MRFAP1: variants seen among roughly 807,000 people sequenced by gnomAD.
MRFAP1 encodes the protein Morf4 family associated protein 1, also known as MORF4 family-associated protein 1.
In MRFAP1, 1 loss-of-function variant was observed where a neutral mutation model predicts 9.3. The ratio of observed to expected loss-of-function variants is 0.11; its 90% CI spans 0.04 to 0.51. MRFAP1 has a LOEUF of 0.51. MRFAP1 is among the 20% of genes least tolerant of loss of function. The pLI is 0.94. For missense variants in MRFAP1, 180 were observed against 178.6 expected (o/e 1.01, Z -0.04); for synonymous variants, 101 against 80.3 (o/e 1.26, Z -1.38).
rs1436499088 is a variant in MRFAP1 at position 6,640,841 on chromosome 4, G to T, written c.-22G>T. On this transcript the variant is annotated 5_prime_UTR_variant, in exon 1 of 2. Coordinates refer to ENST00000382581, the MANE Select transcript of MRFAP1 (RefSeq NM_033296.3). ...TCTCTCCAACAGACATCGCTATTGC[G>T]GTTCCGAGGCAGTGGGAAGAGATGC... The T allele has an allele frequency of 6.3e-7, 1 of 1,589,176 alleles. No individual in the cohort carries two copies. The highest frequency in any genetic ancestry group is 8.6e-7 in the Non-Finnish European group (1 of 1,164,608).
intron 1 of MRFAP1, 194 bp from the exon 2 acceptor site, chr4:6,641,536 C>CT: frequency 2.7e-6 from 1 of 368,290 alleles, no homozygotes; most frequent in Non-Finnish European, 4.9e-6. Flanking sequence ...GGTCCCGGGC[C>CT]GTCCAGCAAG....
At position 6,642,454 on chromosome 4, in the gene MRFAP1, T is replaced by C. The variant is rs567641220; in HGVS notation, c.*737T>C. 1 of 152,778 alleles carries C rather than the reference T, an allele frequency of 6.5e-6. No individual in the cohort carries two copies. Among genetic ancestry groups the C allele is most frequent in the South Asian group, 2.1e-4 (1 of 4,834 alleles). The allele number at this position is 152,778 out of a possible 1,614,324, so 9.5% of individuals were successfully genotyped here. A position where few individuals can be genotyped will look rare whatever the true frequency, so the allele number is the denominator to read the frequency against. On this transcript the variant is annotated 3_prime_UTR_variant, in exon 2 of 2. Transcript: ENST00000382581. Reference sequence around the variant, plus strand: ...AAAATAGAAGATAAGATCTTGATATTCTGTACAAGTTGATGTAATACCCTG... The same window carrying C: ...AAAATAGAAGATAAGATCTTGATATCCTGTACAAGTTGATGTAATACCCTG...
Position 6,641,160 on chromosome 4 carries a change from G to A in MRFAP1, c.298G>A (p.Ala100Thr). ...EGRAAKRCEK[A>T]EEKAKEIAKM... is the part of the protein sequence containing the mutation. Reference sequence around the variant, plus strand: ...CCGGGCGGCCAAGAGGTGCGAGAAGGCCGAGGAGAAGGCCAAGGAGATTGC... The same window carrying A: ...CCGGGCGGCCAAGAGGTGCGAGAAGACCGAGGAGAAGGCCAAGGAGATTGC... The change falls in exon 1 of 2, where the codon GCC becomes ACC. Residue 100 changes from alanine (A) to threonine (T), a missense_variant. By Grantham distance (58) the Ala-to-Thr change is moderately conservative. Coordinates refer to ENST00000382581, the MANE Select transcript of MRFAP1 (RefSeq NM_033296.3). 1.9e-6 allele frequency: 3 copies of A among 1,614,096 alleles called. No homozygotes were observed. Among genetic ancestry groups the A allele is most frequent in the Non-Finnish European group, 1.7e-6 (2 of 1,179,994 alleles).
chr4:6,642,077 T>G lies in MRFAP1; in HGVS notation c.*360T>G, dbSNP rs1712859483. ...TGTGACCTGATAGCTCCCTGGAACTTTGGGTCTGTGTGTGACACATGAGAC... is the reference window on the plus strand; with the variant it reads ...TGTGACCTGATAGCTCCCTGGAACTGTGGGTCTGTGTGTGACACATGAGAC... On this transcript the variant is annotated 3_prime_UTR_variant, in exon 2 of 2. Transcript: ENST00000382581. 1 of 152,672 alleles carries G rather than the reference T, an allele frequency of 6.5e-6. No individual in the cohort carries two copies. Among genetic ancestry groups the G allele is most frequent in the South Asian group, 2.1e-4 (1 of 4,836 alleles). The allele number at this position is 152,672 out of a possible 1,614,324, so 9.5% of individuals were successfully genotyped here.
rs1382320589 is a variant in MRFAP1, at chr4:6,642,238, C to G, written c.*521C>G. 1 of 152,580 alleles carries G rather than the reference C, an allele frequency of 6.6e-6. No individual in the cohort carries two copies. Among genetic ancestry groups the G allele is most frequent in the Non-Finnish European group, 1.5e-5 (1 of 68,056 alleles). 9.5% of individuals were successfully genotyped at this position (152,580 alleles called of 1,614,324 possible). The stretch of plus-strand genomic sequence containing the variant: ...TGGATGGGCCGACCTGGCTGGGACT[C>G]GTGAATCTGGAGAAGAGCTGGAGAA... On this transcript the variant is annotated 3_prime_UTR_variant, in exon 2 of 2. Transcript: ENST00000382581.
In MRFAP1 at chr4:6,641,512, A is replaced by G; in HGVS notation, c.*13-218A>G. The G allele has an allele frequency of 1.1e-5, 5 of 447,726 alleles. No homozygotes were observed. The South Asian group carries it at 2.0e-4, about 18-fold the overall frequency. The allele number at this position is 447,726 out of a possible 1,614,324, so 27.7% of individuals were successfully genotyped here. ...CATAAATCTCAGAGTCGCCAAGGAAACAGAAACGGACAAGGTCCCGGGCCG... is the reference window on the plus strand; with the variant it reads ...CATAAATCTCAGAGTCGCCAAGGAAGCAGAAACGGACAAGGTCCCGGGCCG... On this transcript the variant is annotated intron_variant, in intron 1 of 1. Coordinates refer to ENST00000382581, the MANE Select transcript of MRFAP1 (RefSeq NM_033296.3).
In MRFAP1 at chr4:6,640,894, A is replaced by C. The variant is rs1374785752; in HGVS notation, c.32A>C (p.Glu11Ala). 6.2e-7 allele frequency: 1 copy of C among 1,611,886 alleles called. No homozygotes were observed. Among genetic ancestry groups the C allele is most frequent in the Non-Finnish European group, 8.5e-7 (1 of 1,178,246 alleles). Reference protein sequence around the residue: MRPLDIVELAEPEEVEVLEPE... With the variant: MRPLDIVELAAPEEVEVLEPE... ...CCCCTGGACATCGTCGAGCTGGCGGAACCGGAGGAAGTGGAGGTGCTGGAG... is the reference window on the plus strand; with the variant it reads ...CCCCTGGACATCGTCGAGCTGGCGGCACCGGAGGAAGTGGAGGTGCTGGAG... Residue 11 changes from glutamate (E) to alanine (A), a missense_variant, in exon 1 of 2, where the codon GAA becomes GCA. By Grantham distance (107) the Glu-to-Ala change is moderately radical. Coordinates refer to ENST00000382581, the MANE Select transcript of MRFAP1 (RefSeq NM_033296.3).
In MRFAP1 at chr4:6,640,817, C is replaced by G. The variant is rs376237842; in HGVS notation, c.-46C>G. The G allele has an allele frequency of 4.6e-5, 71 of 1,560,194 alleles. No homozygotes were observed. Among genetic ancestry groups the G allele is most frequent in the Non-Finnish European group, 5.8e-5 (67 of 1,148,480 alleles). ...TAAGCATAGCGAGTGTCGGTTTTCTCTCTCCAACAGACATCGCTATTGCGG... is the reference window on the plus strand; with the variant it reads ...TAAGCATAGCGAGTGTCGGTTTTCTGTCTCCAACAGACATCGCTATTGCGG... On this transcript the variant is annotated 5_prime_UTR_variant, in exon 1 of 2. Coordinates refer to ENST00000382581, the MANE Select transcript of MRFAP1 (RefSeq NM_033296.3).
rs1294915433 is a variant in MRFAP1 at position 6,641,083 on chromosome 4, C to T, written c.221C>T (p.Ser74Leu). 1 of 1,614,208 alleles carries T rather than the reference C, an allele frequency of 6.2e-7. No homozygotes were observed. Among genetic ancestry groups the T allele is most frequent in the Non-Finnish European group, 8.5e-7 (1 of 1,180,020 alleles). The change falls in exon 1 of 2, where the codon TCG becomes TTG. Residue 74 changes from serine to leucine, a missense_variant. Physicochemically the swap from Ser to Leu is moderately radical, Grantham distance 145. Coordinates refer to ENST00000382581, the MANE Select transcript of MRFAP1 (RefSeq NM_033296.3). The stretch of plus-strand genomic sequence containing the variant: ...CAGATCAAAACGCAGGTGGAGGCCT[C>T]GGAGGAGAGCGCCCTCAACCACCTC... ...LIQIKTQVEA[S>L]EESALNHLQN...
chr4:6,641,266 G>C lies in MRFAP1; in HGVS notation c.*12+8G>C. 1 of 1,546,246 alleles carries C rather than the reference G, an allele frequency of 6.5e-7. No homozygotes were observed. Among genetic ancestry groups the C allele is most frequent in the East Asian group, 2.3e-5 (1 of 44,032 alleles). Reference sequence around the variant, plus strand: ...TCGTGAGCGCGGTCGGCGGTAAGTCGGGCACCCGCGCCAGGCCGAGGAGCG... The same window carrying C: ...TCGTGAGCGCGGTCGGCGGTAAGTCCGGCACCCGCGCCAGGCCGAGGAGCG... On this transcript the variant is annotated splice_region_variant and intron_variant, in intron 1 of 1. Coordinates refer to ENST00000382581, the MANE Select transcript of MRFAP1 (RefSeq NM_033296.3).
intron 1 of MRFAP1, 131 bp downstream of exon 1, chr4:6,641,389 G>A: frequency 8.7e-7 from 1 of 1,149,460 alleles, no homozygotes; most frequent in Non-Finnish European, 1.2e-6. Context: ...GGTCAGGGCC[G>A]ATCTGGGCCC....
chr4:6,642,105 A>C lies in MRFAP1; in HGVS notation c.*388A>C, dbSNP rs1357172500. ...GGTCTGTGTGTGACACATGAGACTCACAGTTGGAGTTCTCCAGCTCTGGAG... is the reference window on the plus strand; with the variant it reads ...GGTCTGTGTGTGACACATGAGACTCCCAGTTGGAGTTCTCCAGCTCTGGAG... On this transcript the variant is annotated 3_prime_UTR_variant, in exon 2 of 2. Coordinates refer to ENST00000382581, the MANE Select transcript of MRFAP1 (RefSeq NM_033296.3). 1 of 152,604 alleles carries C rather than the reference A, an allele frequency of 6.6e-6. No homozygotes were observed. The highest frequency in any genetic ancestry group is 1.5e-5 in the Non-Finnish European group (1 of 68,038). 9.5% of individuals were successfully genotyped at this position (152,604 alleles called of 1,614,324 possible).
At chr4:6,641,443 CAG>C in intron 1 of MRFAP1, 185 bp downstream of exon 1, 1 of 716,752 alleles carries the variant, frequency 1.4e-6, no homozygotes, top group East Asian at 2.9e-5. Context: ...GTGGGATAAT[CAG>C]AGTGGCCGGG....
Position 6,641,000 on chromosome 4 carries a change from C to T in MRFAP1, c.138C>T (p.His46=), listed in dbSNP as rs1443742205. The part of the protein sequence containing the change: ...REDIASLTRE[H]GRAYLRNRSK... ...ACATCGCGTCGCTGACGCGCGAGCA[C>T]GGGCGGGCGTACCTGCGGAACCGGA... is the stretch of plus-strand genomic sequence containing the variant. The change falls in exon 1 of 2, where the codon CAC becomes CAT. Residue 46 remains histidine, a synonymous_variant. Coordinates refer to ENST00000382581, the MANE Select transcript of MRFAP1 (RefSeq NM_033296.3). The T allele has an allele frequency of 6.2e-7, 1 of 1,613,988 alleles. No individual in the cohort carries two copies. The highest frequency in any genetic ancestry group is 8.5e-7 in the Non-Finnish European group (1 of 1,179,982).
rs1007322371 is a variant in MRFAP1, at chr4:6,642,191, G to A, written c.*474G>A. 2.6e-5 allele frequency: 4 copies of A among 152,682 alleles called. No individual in the cohort carries two copies. The highest frequency in any genetic ancestry group is 2.1e-4 in the South Asian group (1 of 4,834). 9.5% of individuals were successfully genotyped at this position (152,682 alleles called of 1,614,324 possible). On this transcript the variant is annotated 3_prime_UTR_variant, in exon 2 of 2. Transcript: ENST00000382581. ...TCCATGCAGCAACTACTGAAGAAAG[G>A]ACCAGACTTCAACGGGGAGTGTGGA...
chr4:6,641,612 T>G lies in MRFAP1; in HGVS notation c.*13-118T>G, dbSNP rs1187252500. 4.8e-5 allele frequency: 10 copies of G among 207,810 alleles called. No individual in the cohort carries two copies. The East Asian group carries it at 1.3e-3, about 26-fold the overall frequency. 12.9% of individuals were successfully genotyped at this position (207,810 alleles called of 1,614,324 possible). A position where few individuals can be genotyped will look rare whatever the true frequency, so the allele number is the denominator to read the frequency against. The stretch of plus-strand genomic sequence containing the variant: ...AAGTCAACGTTGCTAGAGACTGGAG[T>G]GAGTCAGGTGGTGGCCAGAAGAGGT... On this transcript the variant is annotated intron_variant, in intron 1 of 1. Coordinates refer to ENST00000382581, the MANE Select transcript of MRFAP1 (RefSeq NM_033296.3).
rs1373320098 is a variant in MRFAP1, at chr4:6,642,607, T to TA, written c.*891dup. 1 of 152,612 alleles carries TA rather than the reference T, an allele frequency of 6.6e-6. No individual in the cohort carries two copies. The highest frequency in any genetic ancestry group is 2.4e-5 in the African/African-American group (1 of 41,464). The allele number at this position is 152,612 out of a possible 1,614,324, so 9.5% of individuals were successfully genotyped here. A position where few individuals can be genotyped will look rare whatever the true frequency, so the allele number is the denominator to read the frequency against. The stretch of plus-strand genomic sequence containing the variant: ...CTAGAAGAGGCATCTTCAAGGTTCA[T>TA]ACGTTGTCCAGCTGTAAGTTCATTT... On this transcript the variant is annotated 3_prime_UTR_variant, in exon 2 of 2. Transcript: ENST00000382581.
Position 6,641,028 on chromosome 4 carries a change from A to C in MRFAP1, c.166A>C (p.Lys56Gln). 1 of 1,614,236 alleles carries C rather than the reference A, an allele frequency of 6.2e-7. No individual in the cohort carries two copies. The highest frequency in any genetic ancestry group is 1.1e-5 in the South Asian group (1 of 91,080). Residue 56 changes from lysine (K) to glutamine (Q), a missense_variant, in exon 1 of 2, where the codon AAG becomes CAG. Lys to Gln is a moderately conservative substitution (Grantham distance 53). Coordinates refer to ENST00000382581, the MANE Select transcript of MRFAP1 (RefSeq NM_033296.3). ...GCGGGCGTACCTGCGGAACCGGAGCAAGCTGTGGGAGATGGACAATATGCT... is the reference window on the plus strand; with the variant it reads ...GCGGGCGTACCTGCGGAACCGGAGCCAGCTGTGGGAGATGGACAATATGCT... ...HGRAYLRNRS[K>Q]LWEMDNMLIQ...
chr4:6,640,727 G>A lies in MRFAP1; in HGVS notation c.-136G>A, dbSNP rs1712781592. 8.5e-7 allele frequency: 1 copy of A among 1,180,532 alleles called. No individual in the cohort carries two copies. Among genetic ancestry groups the A allele is most frequent in the Non-Finnish European group, 1.2e-6 (1 of 841,186 alleles). The allele number at this position is 1,180,532 out of a possible 1,614,324, so 73.1% of individuals were successfully genotyped here. A position where few individuals can be genotyped will look rare whatever the true frequency, so the allele number is the denominator to read the frequency against. ...TCTGCGCGTAAGTCGCTTGTCCGTG[G>A]CTTCTCTGAGAAGAAAAGTTGAAAA... On this transcript the variant is annotated 5_prime_UTR_variant, in exon 1 of 2. Coordinates refer to ENST00000382581, the MANE Select transcript of MRFAP1 (RefSeq NM_033296.3).
Sources: allele counts gnomAD v4.1 joint callset, GRCh38; gene constraint gnomAD v4.1.1; transcripts MANE v1.5; gene names NCBI Gene and HGNC (gene_info 2026-07-23, HGNC 2026-07-21).